MYOF: variants seen among roughly 807,000 people sequenced by gnomAD.
MYOF encodes the protein myoferlin, also known as fer-1-like 3, myoferlin.
Under a neutral mutation model 284.2 loss-of-function variants are expected in MYOF, and 244 were observed. That is an observed-to-expected ratio of 0.86 (90% confidence interval 0.77 to 0.95). The LOEUF is 0.95. Among genes scored for constraint, MYOF ranks in the 40% least tolerant of loss-of-function variants. MYOF has a pLI of 0.00. For synonymous variants in MYOF, 904 were observed against 919.7 expected (o/e 0.98, Z 0.31); for missense variants, 2,496 against 2,560.6 (o/e 0.97, Z 0.54).
rs1843581170 is a variant in MYOF, at chr10:93,335,903, A to C, written c.4563+18T>G. 1.2e-6 allele frequency: 2 copies of C among 1,611,958 alleles called. No homozygotes were observed. The highest frequency in any genetic ancestry group is 2.7e-5 in the African/African-American group (2 of 74,774). On this transcript the variant is annotated intron_variant, in intron 41 of 53. Transcript: ENST00000359263. ...ATGAAGGTGGATTTTAAACGGGACC[A>C]ACACACATCTTACTCACCTTAAACT... is the stretch of plus-strand genomic sequence containing the variant.
chr10:93,397,077 A>T, intron 15 of MYOF, 170 bp downstream of exon 15: 1 of 533,372 alleles, frequency 1.9e-6, no homozygotes, highest in East Asian at 3.2e-5. Context: ...CTTTTTTTGC[A>T]GTAACACTAT....
At chr10:93,362,030 C>T (rs957440989) in intron 27 of MYOF, among the ~76,000 whole-genome samples, 2 of 151,880 alleles carry the variant, frequency 1.3e-5, no homozygotes, top group African/African-American at 4.8e-5. Context: ...CTCACTGCAA[C>T]CTCTGCCTCC....
intron 3 of MYOF, among the ~76,000 whole-genome samples, chr10:93,442,051 C>A (rs2056283224): frequency 7.8e-6 from 1 of 128,988 alleles, no homozygotes; most frequent in African/African-American, 2.8e-5. Context: ...CAGAATAAAC[C>A]TTGGAAAGTC....
chr10:93,379,386 A>G (rs941825948), intron 21 of MYOF, among the ~76,000 whole-genome samples: 1 of 152,202 alleles, frequency 6.6e-6, no homozygotes, highest in African/African-American at 2.4e-5. Context: ...CCAAAGTAAG[A>G]AAATTTTTAT....
intron 43 of MYOF, among the ~76,000 whole-genome samples, chr10:93,332,786 G>C (rs1843386058): frequency 6.6e-6 from 1 of 152,214 alleles, no homozygotes; most frequent in Admixed American, 6.5e-5. Context: ...GGCGGAGCTT[G>C]CAGTGAGCCG....
intron 5 of MYOF, among the ~76,000 whole-genome samples, chr10:93,416,996 G>C (rs187982157): frequency 1.3e-5 from 2 of 152,298 alleles, no homozygotes; most frequent in East Asian, 3.9e-4. Flanking sequence ...AAAGGAACTT[G>C]AGGCTCAGAG....
Position 93,313,045 on chromosome 10 carries a change from T to G in MYOF, c.5864A>C (p.Glu1955Ala). 1 of 1,612,322 alleles carries G rather than the reference T, an allele frequency of 6.2e-7. No individual in the cohort carries two copies. Among genetic ancestry groups the G allele is most frequent in the Non-Finnish European group, 8.5e-7 (1 of 1,179,406 alleles). ...SMKGWWPCYA[E>A]KDGARVMAGK... Reference sequence around the variant, plus strand: ...AGCCATTACGCGGGCGCCATCTTTCTCTGCGTAGCATGGCCACCATCCTTT... The same window carrying G: ...AGCCATTACGCGGGCGCCATCTTTCGCTGCGTAGCATGGCCACCATCCTTT... The change falls in exon 51 of 54, where the codon GAG becomes GCG. Residue 1955 changes from glutamate (E) to alanine (A), a missense_variant. Transcript: ENST00000359263.
intron 26 of MYOF, among the ~76,000 whole-genome samples, chr10:93,365,608 T>G (rs1197220360): frequency 6.6e-6 from 1 of 152,204 alleles, no homozygotes; most frequent in East Asian, 1.9e-4. Context: ...GGACAAGTTA[T>G]TTAATCTTTC....
intron 53 of MYOF, among the ~76,000 whole-genome samples, chr10:93,309,216 C>T (rs1189224604): frequency 6.6e-6 from 1 of 152,178 alleles, no homozygotes; most frequent in Non-Finnish European, 1.5e-5. Context: ...TAACAGCTCA[C>T]CTCCCTTAGT....
At chr10:93,463,352 C>T (rs2056927397) in intron 1 of MYOF, among the ~76,000 whole-genome samples, 1 of 150,572 alleles carries the variant, frequency 6.6e-6, no homozygotes, top group South Asian at 2.1e-4. Flanking sequence ...TCCAGGAGTT[C>T]AAGACCAGCC....
intron 1 of MYOF, among the ~76,000 whole-genome samples, chr10:93,464,837 A>T (rs1442389647): frequency 6.6e-6 from 1 of 152,092 alleles, no homozygotes; most frequent in Non-Finnish European, 1.5e-5. Flanking sequence ...GAACAACAAG[A>T]TCTCTAGGTT....
intron 5 of MYOF, among the ~76,000 whole-genome samples, chr10:93,417,149 G>A (rs1848166127): frequency 6.6e-6 from 1 of 152,264 alleles, no homozygotes; most frequent in East Asian, 1.9e-4. Context: ...TTGTAGGAAT[G>A]CCATCCTGCC....
intron 20 of MYOF, among the ~76,000 whole-genome samples, chr10:93,380,320 A>T (rs754149642): frequency 1.3e-5 from 2 of 152,194 alleles, no homozygotes; most frequent in Non-Finnish European, 2.9e-5. Context: ...AGCTAGACTG[A>T]ACATGTTAGT....
At chr10:93,375,865 G>A (rs769175648) in intron 22 of MYOF, among the ~76,000 whole-genome samples, 7 of 152,152 alleles carry the variant, frequency 4.6e-5, no homozygotes, top group Non-Finnish European at 1.0e-4. Flanking sequence ...CCTGAGAATG[G>A]CTGAGCTAGA....
At chr10:93,369,824 A>G in intron 24 of MYOF, 48 bp from the exon 25 acceptor site, 4 of 1,605,642 alleles carry the variant, frequency 2.5e-6, no homozygotes, top group Non-Finnish European at 3.4e-6. Context: ...CACAGCAAAG[A>G]CTGTGACATT....
chr10:93,309,100 T>C (rs1842267804), intron 53 of MYOF, among the ~76,000 whole-genome samples: 1 of 152,198 alleles, frequency 6.6e-6, no homozygotes, highest in Non-Finnish European at 1.5e-5. Flanking sequence ...TGAGCATGGC[T>C]TCCTCTGCCT....
chr10:93,375,622 G>T (rs1845803653), intron 22 of MYOF, among the ~76,000 whole-genome samples: 1 of 152,190 alleles, frequency 6.6e-6, no homozygotes, highest in Admixed American at 6.5e-5. Context: ...TAGGGCTGTT[G>T]TGAGAAGGAA....
chr10:93,423,781 C>A (rs1202761876), intron 5 of MYOF, among the ~76,000 whole-genome samples: 1 of 149,756 alleles, frequency 6.7e-6, no homozygotes. Flanking sequence ...TGCAGTGAGC[C>A]GAGATCGTGC....
In MYOF at chr10:93,312,277, T is replaced by A. The variant is rs117081994; in HGVS notation, c.5889+743A>T. On this transcript the variant is annotated intron_variant, in intron 51 of 53. Coordinates refer to ENST00000359263, the MANE Select transcript of MYOF (RefSeq NM_013451.4). ...AAAATACATCTTGAGTTCCTCAACT[T>A]GCTTGTAATTTATGGCCTTCTTATT... Among the ~76,000 whole-genome samples, 95 of 152,350 alleles carry A rather than the reference T, an allele frequency of 6.2e-4. 3 individuals carry two copies. In the East Asian group the frequency reaches 0.018, roughly 29 times the overall value.
Sources: gnomAD v4.1 joint callset for allele counts (sites outside exome capture counted in the v4.1 genomes callset) on GRCh38, gnomAD v4.1.1 for gene constraint, MANE v1.5 for transcripts, NCBI Gene and HGNC (gene_info 2026-07-23, HGNC 2026-07-21) for gene names.